The following PRDM16 variants were observed in gnomAD, a reference collection of about 807,000 sequenced individuals.
The protein encoded by PRDM16 is histone-lysine N-methyltransferase PRDM16.
In PRDM16, 23 loss-of-function variants were observed where a neutral mutation model predicts 110.6. That is an observed-to-expected ratio of 0.21 (90% CI 0.15 to 0.29). The LOEUF is 0.29. Among genes scored for constraint, PRDM16 ranks in the 10% least tolerant of loss-of-function variants. The probability of loss-of-function intolerance (pLI) is 1.00; values close to 1 mark genes in which losing one functional copy is unlikely to be tolerated. For synonymous variants in PRDM16, 799 were observed against 781.8 expected (o/e 1.02, Z -0.37); for missense variants, 1,615 against 1,794.3 (o/e 0.90, Z 1.81).
chr1:3,254,165 A>G (rs1461084324), intron 3 of PRDM16, among the ~76,000 whole-genome samples: 1 of 151,824 alleles, frequency 6.6e-6, no homozygotes, highest in Non-Finnish European at 1.5e-5. Context: ...TTGCCTGTTC[A>G]CTCTGATGGT....
intron 9 of PRDM16, among the ~76,000 whole-genome samples, chr1:3,414,207 C>T (rs1220149892): frequency 1.3e-5 from 2 of 152,216 alleles, no homozygotes; most frequent in Non-Finnish European, 2.9e-5. Flanking sequence ...AAACTCCAGC[C>T]GCCTGCACTT....
rs1052710088 is a variant in PRDM16 at position 3,209,189 on chromosome 1, T to G, written c.387+22715T>G. ...TTTTGGTTCCAGGGGTAAGAAAAAA[T>G]TAATCATTTATTTGGTAAAGGCCCA... is the stretch of plus-strand genomic sequence containing the variant. On this transcript the variant is annotated intron_variant, in intron 2 of 16. Coordinates refer to ENST00000270722, the MANE Select transcript of PRDM16 (RefSeq NM_022114.4). This position sits in a 1 kb window ranked among gnomAD's most constrained non-coding sequence, Gnocchi z 4.6. Among the ~76,000 whole-genome samples, 1 of 151,996 alleles carries G rather than the reference T, an allele frequency of 6.6e-6. No individual in the cohort carries two copies. The highest frequency in any genetic ancestry group is 1.5e-5 in the Non-Finnish European group (1 of 67,996).
In PRDM16 at chr1:3,256,845, C is replaced by T. The variant is rs549627557; in HGVS notation, c.438+12708C>T. On this transcript the variant is annotated intron_variant, in intron 3 of 16. Coordinates refer to ENST00000270722, the MANE Select transcript of PRDM16 (RefSeq NM_022114.4). ...GCACTCCAGCCTGGGCGACAGAGTG[C>T]GACTCCATCTCAAAATAAATAAATA... is the stretch of plus-strand genomic sequence containing the variant. Among the ~76,000 whole-genome samples, 9 of 147,444 alleles carry T rather than the reference C, an allele frequency of 6.1e-5. No individual in the cohort carries two copies. In the South Asian group the frequency reaches 1.1e-3, roughly 18 times the overall value.
intron 3 of PRDM16, among the ~76,000 whole-genome samples, chr1:3,326,021 C>CCTTGGCCCT (rs1641890348): frequency 2.9e-5 from 3 of 103,386 alleles, no homozygotes. Context: ...CCTCGACCAT[C>CCTTGGCCCT]CTTGGCCCTC....
chr1:3,115,851 C>CCTCTT (rs1179552465), intron 1 of PRDM16, among the ~76,000 whole-genome samples: 6 of 152,230 alleles, frequency 3.9e-5, no homozygotes, highest in Non-Finnish European at 8.8e-5. Flanking sequence ...GCTCTGCCCA[C>CCTCTT]CTCTTCTCTT....
intron 1 of PRDM16, among the ~76,000 whole-genome samples, chr1:3,078,824 A>T (rs940142436): frequency 6.6e-6 from 1 of 152,226 alleles, no homozygotes; most frequent in Non-Finnish European, 1.5e-5. Context: ...TATTACAGCA[A>T]CTATGGATTT....
At chr1:3,200,903 G>A (rs148795413) in intron 2 of PRDM16, among the ~76,000 whole-genome samples, 2 of 152,078 alleles carry the variant, frequency 1.3e-5, no homozygotes, top group East Asian at 1.9e-4. Context: ...GAGCCGAACC[G>A]GGGGCAGAGG....
intron 4 of PRDM16, 77 bp downstream of exon 4, chr1:3,385,363 T>G: frequency 6.5e-7 from 1 of 1,530,116 alleles, no homozygotes; most frequent in Non-Finnish European, 9.0e-7. Context: ...TTGGTGGAGG[T>G]GCCGAGGCAA....
At chr1:3,083,904 C>G (rs534422237) in intron 1 of PRDM16, among the ~76,000 whole-genome samples, 1 of 152,304 alleles carries the variant, frequency 6.6e-6, no homozygotes, top group African/African-American at 2.4e-5. Flanking sequence ...GCATGGAACA[C>G]GTGGTTGACA....
In PRDM16 at chr1:3,435,806, G is replaced by A. The variant is rs146673752; in HGVS notation, c.*1995G>A. 7.7e-4 allele frequency: 178 copies of A among 232,126 alleles called. No individual in the cohort carries two copies. The highest frequency in any genetic ancestry group is 2.6e-3 in the African/African-American group (118 of 45,350). The allele number at this position is 232,126 out of a possible 1,614,324, so 14.4% of individuals were successfully genotyped here. ...GGTGGTCCAGGCTTGCACTGAAGAC[G>A]TGCCACGGGGAGGCTCCTGCAGGAG... is the stretch of plus-strand genomic sequence containing the variant. On this transcript the variant is annotated 3_prime_UTR_variant, in exon 17 of 17. Coordinates refer to ENST00000270722, the MANE Select transcript of PRDM16 (RefSeq NM_022114.4).
chr1:3,426,761 C>T (rs1382399628), intron 14 of PRDM16, among the ~76,000 whole-genome samples: 1 of 152,180 alleles, frequency 6.6e-6, no homozygotes, highest in Non-Finnish European at 1.5e-5. Context: ...GATGAATCCT[C>T]ACTTGTTCCT....
Position 3,438,047 on chromosome 1 carries a change from T to TTA in PRDM16, c.*4237_*4238insAT. ...GTTTAGTTTTGTTTTGTTTTGTTTT[T>TTA]TCTTTTAGAACTGTATAGTATTGAA... is the stretch of plus-strand genomic sequence containing the variant. On this transcript the variant is annotated 3_prime_UTR_variant, in exon 17 of 17. Coordinates refer to ENST00000270722, the MANE Select transcript of PRDM16 (RefSeq NM_022114.4). 4.8e-6 allele frequency: 1 copy of TTA among 209,616 alleles called. No individual in the cohort carries two copies. The allele number at this position is 209,616 out of a possible 1,614,324, so 13.0% of individuals were successfully genotyped here. A position where few individuals can be genotyped will look rare whatever the true frequency, so the allele number is the denominator to read the frequency against.
chr1:3,378,286 G>GA (rs1463194559), intron 3 of PRDM16, among the ~76,000 whole-genome samples: 1 of 152,112 alleles, frequency 6.6e-6, no homozygotes, highest in Non-Finnish European at 1.5e-5. Flanking sequence ...CAGCCGGAGG[G>GA]CCACCAAGCT....
chr1:3,372,774 G>A (rs1328511164), intron 3 of PRDM16, among the ~76,000 whole-genome samples: 1 of 152,210 alleles, frequency 6.6e-6, no homozygotes, highest in Admixed American at 6.5e-5. Context: ...AGCCTGCTCT[G>A]GGTGGAGAAG....
intron 1 of PRDM16, among the ~76,000 whole-genome samples, chr1:3,095,672 C>A (rs960202951): frequency 2.6e-5 from 4 of 152,160 alleles, no homozygotes; most frequent in African/African-American, 9.6e-5. Flanking sequence ...CCCCAAGACG[C>A]AGCCTCACAG....
At position 3,405,556 on chromosome 1, in the gene PRDM16, C is replaced by T; in HGVS notation, c.1094C>T (p.Ala365Val). The T allele has an allele frequency of 6.2e-7, 1 of 1,609,898 alleles. No homozygotes were observed. Among genetic ancestry groups the T allele is most frequent in the Non-Finnish European group, 8.5e-7 (1 of 1,178,486 alleles). The change falls in exon 8 of 17, where the codon GCC becomes GTC. Residue 365 changes from alanine (A) to valine (V), a missense_variant. This residue lies in a region of PRDM16 where 82 missense variants were observed against 144.4 expected (regional missense o/e 0.57). Coordinates refer to ENST00000270722, the MANE Select transcript of PRDM16 (RefSeq NM_022114.4). Reference sequence around the variant, plus strand: ...CGCTCGCAGCACGTGGGCGCTCGGGCCCACGCCTGCCCCGACTGCGGGAAG... The same window carrying T: ...CGCTCGCAGCACGTGGGCGCTCGGGTCCACGCCTGCCCCGACTGCGGGAAG... ...HIRSQHVGAR[A>V]HACPDCGKTF...
chr1:3,119,762 C>A (rs182609297), intron 1 of PRDM16, among the ~76,000 whole-genome samples: 12 of 152,276 alleles, frequency 7.9e-5, no homozygotes, highest in Non-Finnish European at 1.6e-4. Flanking sequence ...TTCACGTAAG[C>A]GGTGGAGTTA....
rs562887623 is a variant in PRDM16, at chr1:3,430,526, G to A, written c.3285-346G>A. Among the ~76,000 whole-genome samples the A allele has an allele frequency of 2.0e-4, 31 of 152,232 alleles. No individual in the cohort carries two copies. In the East Asian group the frequency reaches 2.3e-3, roughly 11 times the overall value. On this transcript the variant is annotated intron_variant, in intron 14 of 16. Coordinates refer to ENST00000270722, the MANE Select transcript of PRDM16 (RefSeq NM_022114.4). ...GCCCCTCGTGCACTGCCCAACCCCC[G>A]TGCCAGTGCAGGTCCAGCTTCCCCA... is the stretch of plus-strand genomic sequence containing the variant.
chr1:3,426,080 C>A lies in PRDM16; in HGVS notation c.3139C>A (p.His1047Asn), dbSNP rs766964168. The A allele has an allele frequency of 4.3e-6, 7 of 1,613,746 alleles. No homozygotes were observed. The Admixed American group carries it at 1.2e-4, about 27-fold the overall frequency. ...VSQHPGVLTNHLGTSASSPTS... is the reference protein window; with the variant it reads ...VSQHPGVLTNNLGTSASSPTS... ...CCAGCACCCCGGGGTCCTCACGAACCACCTGGGGACCAGCGCGTCCTCTCC... is the reference window on the plus strand; with the variant it reads ...CCAGCACCCCGGGGTCCTCACGAACAACCTGGGGACCAGCGCGTCCTCTCC... Residue 1047 changes from histidine to asparagine, a missense_variant, in exon 14 of 17, where the codon CAC becomes AAC. This residue lies in a region of PRDM16 where 327 missense variants were observed against 359.3 expected (regional missense o/e 0.91). Coordinates refer to ENST00000270722, the MANE Select transcript of PRDM16 (RefSeq NM_022114.4).
Sources: gnomAD v4.1 joint callset for allele counts (sites outside exome capture counted in the v4.1 genomes callset) on GRCh38, gnomAD v4.1.1 for gene constraint, gnomAD v4.1.1 regional missense constraint, Gnocchi (gnomAD v3.1) non-coding constraint, MANE v1.5 for transcripts, NCBI Gene and HGNC (gene_info 2026-07-23, HGNC 2026-07-21) for gene names.